The following RALYL variants were observed in gnomAD, a reference collection of about 807,000 sequenced individuals.
RALYL encodes RNA-binding Raly-like protein.
In RALYL, 29 loss-of-function variants were observed where a neutral mutation model predicts 35.1. That is an observed-to-expected ratio of 0.83 (90% CI 0.61 to 1.13). The LOEUF is 1.13. RALYL is among the 50% of genes most tolerant of loss of function. The pLI is 0.00. For synonymous variants in RALYL, 120 were observed against 127.6 expected (o/e 0.94, Z 0.40); for missense variants, 359 against 360.4 (o/e 1.00, Z 0.03).
intron 2 of RALYL, among the ~76,000 whole-genome samples, chr8:84,563,469 G>A (rs899554522): frequency 1.2e-4 from 18 of 151,788 alleles, no homozygotes; most frequent in Admixed American, 6.6e-4. Flanking sequence ...TATGAGTTAA[G>A]TACAGTCTCT....
chr8:84,628,950 A>T (rs1235511623), intron 2 of RALYL, among the ~76,000 whole-genome samples: 2 of 152,124 alleles, frequency 1.3e-5, no homozygotes, highest in Non-Finnish European at 2.9e-5. Flanking sequence ...TCTAATAGGC[A>T]TAGATACAAA....
chr8:84,804,756 A>G lies in RALYL; in HGVS notation c.333-14A>G, dbSNP rs189200513. On this transcript the variant is annotated splice_polypyrimidine_tract_variant and intron_variant, in intron 3 of 8. Coordinates refer to ENST00000521268, the MANE Select transcript of RALYL (RefSeq NM_173848.7). The stretch of plus-strand genomic sequence containing the variant: ...ATTTTTATATTAAAAGAAAATTTTC[A>G]TATTTTTTCATAGACTTGAATCAAA... 8.5e-3 allele frequency: 9,827 copies of G among 1,161,450 alleles called. 76 individuals carry two copies. The highest frequency in any genetic ancestry group is 0.022 in the South Asian group (1,010 of 45,686). 71.9% of individuals were successfully genotyped at this position (1,161,450 alleles called of 1,614,324 possible). A position where few individuals can be genotyped will look rare whatever the true frequency, so the allele number is the denominator to read the frequency against.
At chr8:84,446,752 G>C (rs1160083788) in intron 1 of RALYL, among the ~76,000 whole-genome samples, 1 of 152,004 alleles carries the variant, frequency 6.6e-6, no homozygotes, top group Non-Finnish European at 1.5e-5. Flanking sequence ...TGTCCAAGGT[G>C]AATATGAAAT....
chr8:84,474,273 T>C (rs1339957561), intron 1 of RALYL, among the ~76,000 whole-genome samples: 5 of 152,206 alleles, frequency 3.3e-5, no homozygotes, highest in Non-Finnish European at 7.4e-5. Context: ...CAGTACATGC[T>C]TTCCACTTGA....
At chr8:84,841,375 C>A (rs1833284491) in intron 4 of RALYL, among the ~76,000 whole-genome samples, 1 of 151,996 alleles carries the variant, frequency 6.6e-6, no homozygotes, top group Non-Finnish European at 1.5e-5. Context: ...CAAAGAAGGC[C>A]ATTACATAAT....
rs371381397 is a variant in RALYL, at chr8:84,271,364, T to C, written c.-24+86940T>C. 3.3e-5 allele frequency among the ~76,000 whole-genome samples: 5 copies of C among 150,738 alleles called. No homozygotes were observed. The South Asian group carries it at 1.1e-3, about 32-fold the overall frequency. Reference sequence around the variant, plus strand: ...AGTTACAACTACAAACCCATGAAAATTGCTAAAATTGAATACCAAGTATAG... The same window carrying C: ...AGTTACAACTACAAACCCATGAAAACTGCTAAAATTGAATACCAAGTATAG... On this transcript the variant is annotated intron_variant, in intron 1 of 8. Coordinates refer to ENST00000521268, the MANE Select transcript of RALYL (RefSeq NM_173848.7).
intron 2 of RALYL, among the ~76,000 whole-genome samples, chr8:84,760,050 C>A (rs902301896): frequency 6.6e-6 from 1 of 152,036 alleles, no homozygotes; most frequent in African/African-American, 2.4e-5. Flanking sequence ...ATGCCAAAAC[C>A]CTTTTAATAT....
intron 1 of RALYL, among the ~76,000 whole-genome samples, chr8:84,341,551 A>T (rs919255036): frequency 6.6e-6 from 1 of 152,026 alleles, no homozygotes; most frequent in Non-Finnish European, 1.5e-5. Context: ...TATATCTACA[A>T]TTCTGTTATA....
At chr8:84,284,952 A>C (rs1837310977) in intron 1 of RALYL, among the ~76,000 whole-genome samples, 1 of 152,210 alleles carries the variant, frequency 6.6e-6, no homozygotes, top group Non-Finnish European at 1.5e-5. Flanking sequence ...ATGTCTATTT[A>C]AACTACAATA....
intron 1 of RALYL, among the ~76,000 whole-genome samples, chr8:84,524,312 A>G (rs1283958839): frequency 6.6e-6 from 1 of 152,200 alleles, no homozygotes; most frequent in African/African-American, 2.4e-5. Flanking sequence ...ACATTTCTCA[A>G]AAGAAGACAT....
intron 2 of RALYL, among the ~76,000 whole-genome samples, chr8:84,754,462 C>T (rs144593115): frequency 1.3e-5 from 2 of 152,172 alleles, no homozygotes; most frequent in African/African-American, 4.8e-5. Context: ...ACTTTGCCCT[C>T]TCCTCAGTTT....
At chr8:84,517,474 C>A (rs1206714976) in intron 1 of RALYL, among the ~76,000 whole-genome samples, 1 of 152,176 alleles carries the variant, frequency 6.6e-6, no homozygotes, top group Non-Finnish European at 1.5e-5. Flanking sequence ...CCACAAGAAA[C>A]TGTTGAGACC....
At chr8:84,199,589 G>A (rs1222177942) in intron 1 of RALYL, among the ~76,000 whole-genome samples, 1 of 152,104 alleles carries the variant, frequency 6.6e-6, no homozygotes, top group Non-Finnish European at 1.5e-5. Flanking sequence ...GTCCTGGAGA[G>A]TTTCCCCAAT....
intron 1 of RALYL, among the ~76,000 whole-genome samples, chr8:84,187,710 AT>A (rs1222566219): frequency 6.6e-6 from 1 of 152,068 alleles, no homozygotes; most frequent in Admixed American, 6.6e-5. Context: ...ATATGCTAAA[AT>A]TTTCTTCCTA....
At chr8:84,882,189 C>A (rs897699097) in intron 7 of RALYL, among the ~76,000 whole-genome samples, 1 of 151,740 alleles carries the variant, frequency 6.6e-6, no homozygotes, top group Non-Finnish European at 1.5e-5. Context: ...GGCTTCTAAT[C>A]GACCTTTAAA....
At chr8:84,469,838 G>T (rs562346004) in intron 1 of RALYL, among the ~76,000 whole-genome samples, 11 of 152,066 alleles carry the variant, frequency 7.2e-5, no homozygotes, top group Admixed American at 7.2e-4. Flanking sequence ...ATATAATCTC[G>T]TGGTGCGCTG....
intron 2 of RALYL, among the ~76,000 whole-genome samples, chr8:84,646,381 A>G (rs999965817): frequency 6.6e-6 from 1 of 151,626 alleles, no homozygotes; most frequent in African/African-American, 2.4e-5. Flanking sequence ...TGCTGCTTTC[A>G]GTGTTTATCT....
chr8:84,283,753 A>G (rs903655191), intron 1 of RALYL, among the ~76,000 whole-genome samples: 3 of 152,126 alleles, frequency 2.0e-5, no homozygotes, highest in Admixed American at 6.6e-5. Context: ...GGCTTACCCA[A>G]GAGAAATTGC....
At chr8:84,745,524 C>T (rs1808407460) in intron 2 of RALYL, among the ~76,000 whole-genome samples, 1 of 151,948 alleles carries the variant, frequency 6.6e-6, no homozygotes, top group African/African-American at 2.4e-5. Context: ...CACAGCATTA[C>T]TCTCTATTGA....
Sources: gnomAD v4.1 joint callset for allele counts (sites outside exome capture counted in the v4.1 genomes callset) on GRCh38, gnomAD v4.1.1 for gene constraint, MANE v1.5 for transcripts, NCBI Gene and HGNC (gene_info 2026-07-23, HGNC 2026-07-21) for gene names.